SCFD2: variants seen among roughly 807,000 people sequenced by gnomAD.
SCFD2 encodes sec1 family domain containing 2, also known as sec1 family domain-containing protein 2.
In SCFD2, 54 loss-of-function variants were observed where a neutral mutation model predicts 58.9. That is an observed-to-expected ratio of 0.92 (90% CI 0.74 to 1.15). The LOEUF is 1.15. SCFD2 is among the 50% of genes most tolerant of loss of function. SCFD2 has a pLI of 0.00. For synonymous variants in SCFD2, 321 were observed against 335.9 expected (o/e 0.96, Z 0.49); for missense variants, 805 against 836.6 (o/e 0.96, Z 0.47).
chr4:53,162,167 T>C (rs1365008457), intron 4 of SCFD2, among the ~76,000 whole-genome samples: 12 of 149,844 alleles, frequency 8.0e-5, no homozygotes, highest in Non-Finnish European at 1.0e-4. Context: ...CTTGCTTGCT[T>C]TTTTTTTTAG....
At position 53,304,785 on chromosome 4, in the gene SCFD2, G is replaced by A. The variant is rs545069634; in HGVS notation, c.1135+8851C>T. On this transcript the variant is annotated intron_variant, in intron 3 of 8. Transcript: ENST00000401642. ...GAGTTAGAACATGCTCCTTTAGTTCGGAGGAGTTTGTTATTACCCACCTTC... is the reference window on the plus strand; with the variant it reads ...GAGTTAGAACATGCTCCTTTAGTTCAGAGGAGTTTGTTATTACCCACCTTC... Among the ~76,000 whole-genome samples the A allele has an allele frequency of 5.9e-5, 9 of 151,920 alleles. No homozygotes were observed. In the East Asian group the frequency reaches 7.8e-4, roughly 13 times the overall value.
chr4:52,956,348 T>C (rs1356631598), intron 5 of SCFD2: 1 of 393,148 alleles, frequency 2.5e-6, no homozygotes, highest in African/African-American at 2.1e-5. Context: ...CTATGTTAGA[T>C]AGGGCTTTTT....
At chr4:52,927,666 G>T (rs1419083586) in intron 5 of SCFD2, among the ~76,000 whole-genome samples, 2 of 152,096 alleles carry the variant, frequency 1.3e-5, no homozygotes, top group Non-Finnish European at 2.9e-5. Flanking sequence ...AGTACAACTG[G>T]CACACACAGG....
chr4:53,071,733 T>C (rs1723820246), intron 5 of SCFD2, among the ~76,000 whole-genome samples: 1 of 151,570 alleles, frequency 6.6e-6, no homozygotes, highest in African/African-American at 2.4e-5. Context: ...TCCAGTTTTG[T>C]AAAAAAAATA....
chr4:53,101,004 T>C (rs938415017), intron 5 of SCFD2, among the ~76,000 whole-genome samples: 2 of 152,164 alleles, frequency 1.3e-5, no homozygotes. Flanking sequence ...TATCCACCTC[T>C]GGCACAACTT....
At chr4:53,337,172 G>C (rs773946165) in intron 2 of SCFD2, among the ~76,000 whole-genome samples, 25 of 152,088 alleles carry the variant, frequency 1.6e-4, no homozygotes, top group Non-Finnish European at 3.5e-4. Context: ...TTCTCCCAAG[G>C]CCCCTTTCTT....
At chr4:52,941,032 G>C (rs200388737) in intron 5 of SCFD2, among the ~76,000 whole-genome samples, 1 of 151,774 alleles carries the variant, frequency 6.6e-6, no homozygotes, top group East Asian at 1.9e-4. Flanking sequence ...CAGTTTTACA[G>C]CCTAAGTTCT....
At chr4:52,931,849 T>A (rs532672301) in intron 5 of SCFD2, among the ~76,000 whole-genome samples, 8 of 152,314 alleles carry the variant, frequency 5.3e-5, no homozygotes, top group Middle Eastern at 3.4e-3. Flanking sequence ...TGCCACTTCC[T>A]GCAACAAGTC....
chr4:53,253,433 T>A (rs1421598935), intron 4 of SCFD2, among the ~76,000 whole-genome samples: 1 of 152,086 alleles, frequency 6.6e-6, no homozygotes, highest in Non-Finnish European at 1.5e-5. Context: ...TAAAGACACA[T>A]GCACACGTAT....
At chr4:52,982,614 C>G (rs1359980012) in intron 5 of SCFD2, among the ~76,000 whole-genome samples, 1 of 152,112 alleles carries the variant, frequency 6.6e-6, no homozygotes, top group Non-Finnish European at 1.5e-5. Context: ...GTTATTTATC[C>G]AATCTCTAAA....
intron 1 of SCFD2, among the ~76,000 whole-genome samples, chr4:53,356,733 T>TG (rs1161880514): frequency 7.0e-6 from 1 of 142,142 alleles, no homozygotes; most frequent in Non-Finnish European, 1.6e-5. Context: ...CTTGTAGACT[T>TG]TTTTTTTTTT....
intron 4 of SCFD2, among the ~76,000 whole-genome samples, chr4:53,248,216 G>A (rs1253073093): frequency 4.6e-5 from 7 of 152,210 alleles, no homozygotes; most frequent in South Asian, 2.1e-4. Context: ...CTTTTCTGAC[G>A]GGCTTAGGAA....
intron 4 of SCFD2, among the ~76,000 whole-genome samples, chr4:53,174,628 A>G: frequency 6.6e-6 from 1 of 152,182 alleles, no homozygotes. Flanking sequence ...TAATCAATCA[A>G]CCACTTCAAT....
intron 3 of SCFD2, among the ~76,000 whole-genome samples, chr4:53,310,445 G>A (rs1289519104): frequency 1.3e-5 from 2 of 152,150 alleles, no homozygotes; most frequent in Non-Finnish European, 2.9e-5. Context: ...ATGTATCAGC[G>A]TTTGAGATGG....
chr4:52,998,077 G>A (rs1237485509), intron 5 of SCFD2, among the ~76,000 whole-genome samples: 1 of 152,138 alleles, frequency 6.6e-6, no homozygotes, highest in Non-Finnish European at 1.5e-5. Context: ...GTTAAGTTAG[G>A]ATCCAGAGAG....
At chr4:53,253,668 T>G (rs1196926923) in intron 4 of SCFD2, among the ~76,000 whole-genome samples, 1 of 141,190 alleles carries the variant, frequency 7.1e-6, no homozygotes, top group Admixed American at 7.9e-5. Context: ...ATGTTTTCAC[T>G]CATAGATGGG....
At chr4:53,235,211 T>C (rs975860855) in intron 4 of SCFD2, among the ~76,000 whole-genome samples, 4 of 152,252 alleles carry the variant, frequency 2.6e-5, no homozygotes, top group Non-Finnish European at 5.9e-5. Flanking sequence ...GGGAAGCACA[T>C]TCATTACTTG....
At chr4:53,166,181 A>C (rs1727001023) in intron 4 of SCFD2, among the ~76,000 whole-genome samples, 1 of 152,244 alleles carries the variant, frequency 6.6e-6, no homozygotes, top group Admixed American at 6.5e-5. Context: ...TTGTCAATGA[A>C]TATTTAAATT....
chr4:53,325,198 C>T (rs547629364), intron 2 of SCFD2, among the ~76,000 whole-genome samples: 20 of 135,698 alleles, frequency 1.5e-4, no homozygotes, highest in South Asian at 4.8e-4. Context: ...TGTGCGCGTG[C>T]GCGCACGCTT....
Sources: gnomAD v4.1 joint callset for allele counts (sites outside exome capture counted in the v4.1 genomes callset) on GRCh38, gnomAD v4.1.1 for gene constraint, MANE v1.5 for transcripts, NCBI Gene and HGNC (gene_info 2026-07-23, HGNC 2026-07-21) for gene names.